MRPS33: variants seen among roughly 807,000 people sequenced by gnomAD.
The protein encoded by MRPS33 is mitochondrial ribosomal protein S33.
A neutral mutation model predicts 11.2 loss-of-function variants in MRPS33; 11 were observed. The ratio of observed to expected loss-of-function variants is 0.99; its 90% CI spans 0.62 to 1.63. The LOEUF (loss-of-function observed/expected upper bound fraction) is 1.63. Among genes scored for constraint, MRPS33 ranks in the 40% most tolerant of loss-of-function variants. The pLI is 0.00. For missense variants in MRPS33, 109 were observed against 127.8 expected, an observed-to-expected ratio of 0.85 and a Z score of 0.71; for synonymous variants, 46 against 44.0, an observed-to-expected ratio of 1.05 and a Z score of -0.18.
chr7:141,013,046 C>T (rs996657095), intron 1 of MRPS33, among the ~76,000 whole-genome samples: 2 of 149,358 alleles, frequency 1.3e-5, no homozygotes, highest in African/African-American at 5.0e-5. Context: ...ATTCCTTGTT[C>T]TTAATCATGT....
chr7:141,011,615 T>G (rs1820675438), intron 1 of MRPS33, among the ~76,000 whole-genome samples: 1 of 151,894 alleles, frequency 6.6e-6, no homozygotes, highest in Admixed American at 6.6e-5. Context: ...TATGAGAAAT[T>G]TTAGTAGTGA....
Position 141,010,419 on chromosome 7 carries a change from C to A in MRPS33, c.215G>T (p.Arg72Ile), listed in dbSNP as rs774485704. 1.2e-6 allele frequency: 2 copies of A among 1,614,096 alleles called. No homozygotes were observed. Among genetic ancestry groups the A allele is most frequent in the Non-Finnish European group, 1.7e-6 (2 of 1,179,976 alleles). The change falls in exon 2 of 3, where the codon AGA becomes ATA. Residue 72 changes from arginine to isoleucine, a missense_variant and splice_region_variant. Transcript: ENST00000324787. ...GGTCCCTCTTTGTGTTTGTCATCAC[C>A]TGTAGAGTCCAAGAAATCGGAGCGT... ...MQTLRFLGLYRDEHQDFMDEQ... is the reference protein window; with the variant it reads ...MQTLRFLGLYIDEHQDFMDEQ...
intron 1 of MRPS33, among the ~76,000 whole-genome samples, 160 bp from the exon 2 acceptor site, chr7:141,010,820 C>T (rs947909197): frequency 3.9e-5 from 6 of 152,220 alleles, no homozygotes; most frequent in African/African-American, 1.4e-4. Flanking sequence ...GTCCAAATGG[C>T]TATTTCCTTT....
At chr7:141,008,102 TA>T (rs940541897) in intron 2 of MRPS33, among the ~76,000 whole-genome samples, 7 of 152,306 alleles carry the variant, frequency 4.6e-5, no homozygotes, top group African/African-American at 1.7e-4. Context: ...ATATTTTCTT[TA>T]TTGGAGACTG....
chr7:141,007,211 T>G (rs1206546352), intron 2 of MRPS33, among the ~76,000 whole-genome samples: 2 of 152,178 alleles, frequency 1.3e-5, no homozygotes, highest in African/African-American at 4.8e-5. Flanking sequence ...ACATGTAAGC[T>G]CTGGATTCCA....
rs1217190454 is a variant in MRPS33, at chr7:141,004,883, C to CTTGGTGGG, written c.*1546_*1547insCCCACCAA. 2 of 152,224 alleles carry CTTGGTGGG rather than the reference C, an allele frequency of 1.3e-5. No homozygotes were observed. The highest frequency in any genetic ancestry group is 2.9e-5 in the Non-Finnish European group (2 of 68,116). The allele number at this position is 152,224 out of a possible 1,614,324, so 9.4% of individuals were successfully genotyped here. The stretch of plus-strand genomic sequence containing the variant: ...GCCTCAGCCTCCCAAGTAGCTGGGA[C>CTTGGTGGG]TACAGGCACCCACCACCACGCCCGG... On this transcript the variant is annotated 3_prime_UTR_variant, in exon 3 of 3. Transcript: ENST00000324787.
rs570080603 is a variant in MRPS33 at position 141,010,605 on chromosome 7, C to G, written c.29G>C (p.Arg10Pro). Reference sequence around the variant, plus strand: ...TAGCCGGGCACTGAGACGAGACATGCGGAAGGCATATTCTGAAAGGGAGGA... The same window carrying G: ...TAGCCGGGCACTGAGACGAGACATGGGGAAGGCATATTCTGAAAGGGAGGA... MSSLSEYAF[R>P]MSRLSARLFG... The change falls in exon 2 of 3, where the codon CGC (arginine) becomes CCC (proline). Residue 10 changes from arginine to proline, a missense_variant. Arg to Pro is a moderately radical substitution (Grantham distance 103, BLOSUM62 -2). Transcript: ENST00000324787. The G allele has an allele frequency of 3.7e-6, 6 of 1,614,100 alleles. No homozygotes were observed. The highest frequency in any genetic ancestry group is 5.1e-6 in the Non-Finnish European group (6 of 1,180,022).
chr7:141,010,516 G>A lies in MRPS33; in HGVS notation c.118C>T (p.Leu40=), dbSNP rs1468838003. The A allele has an allele frequency of 1.2e-6, 2 of 1,614,206 alleles. No homozygotes were observed. The highest frequency in any genetic ancestry group is 1.1e-5 in the South Asian group (1 of 91,080). Residue 40 remains leucine, a synonymous_variant, in exon 2 of 3, where the codon CTG becomes TTG. Coordinates refer to ENST00000324787, the MANE Select transcript of MRPS33 (RefSeq NM_053035.3). The part of the protein sequence containing the change: ...SMKVVKLFSE[L]PLAKKKETYD... ...GTCTCCTTCTTCTTGGCCAAGGGCA[G>A]TTCACTAAACAGTTTCACCACTTTC... is the stretch of plus-strand genomic sequence containing the variant.
At position 141,013,994 on chromosome 7, in the gene MRPS33, A is replaced by ATG. The variant is rs760851266; in HGVS notation, c.-28+915_-28+916dup. ...CATCTGTATGCCGATATGTGTATGT[A>ATG]TGTGTGTGTGTAAATTGTTCTGGGA... On this transcript the variant is annotated intron_variant, in intron 1 of 2. Transcript: ENST00000324787. 3.5e-4 allele frequency among the ~76,000 whole-genome samples: 53 copies of ATG among 152,250 alleles called. No homozygotes were observed. In the East Asian group the frequency reaches 6.9e-3, roughly 20 times the overall value.
At position 141,010,460 on chromosome 7, in the gene MRPS33, G is replaced by T; in HGVS notation, c.174C>A (p.Tyr58Ter). The change falls in exon 2 of 3, where the codon TAC (tyrosine) becomes TAA (stop). Residue 58 changes from tyrosine to a stop codon, truncating the protein, a stop_gained. Transcript: ENST00000324787. LOFTEE classifies it high-confidence loss of function. ...ATCGGAGCGTCTGCATGAGTTCAGC[G>T]TAAGTGTGGTGATTTGGATACCAAT... ...TYDWYPNHHT[Y>*]AELMQTLRFL... The T allele has an allele frequency of 2.5e-6, 4 of 1,614,132 alleles. No individual in the cohort carries two copies. Among genetic ancestry groups the T allele is most frequent in the Non-Finnish European group, 3.4e-6 (4 of 1,179,978 alleles).
In MRPS33 at chr7:141,013,986, GTGTA is replaced by G. The variant is rs1173356774; in HGVS notation, c.-28+921_-28+924del. Among the ~76,000 whole-genome samples, 3 of 152,302 alleles carry G rather than the reference GTGTA, an allele frequency of 2.0e-5. No individual in the cohort carries two copies. The East Asian group carries it at 5.8e-4, about 29-fold the overall frequency. On this transcript the variant is annotated intron_variant, in intron 1 of 2. Transcript: ENST00000324787. ...GAAGTGTACATCTGTATGCCGATAT[GTGTA>G]TGTATGTGTGTGTGTAAATTGTTCT...
At chr7:141,006,834 T>C (rs1459807004) in intron 2 of MRPS33, among the ~76,000 whole-genome samples, 1 of 152,148 alleles carries the variant, frequency 6.6e-6, no homozygotes, top group Non-Finnish European at 1.5e-5. Context: ...TACTAATGAT[T>C]ACCCCAAATT....
intron 1 of MRPS33, among the ~76,000 whole-genome samples, chr7:141,012,653 C>A (rs1423516784): frequency 6.6e-6 from 1 of 152,142 alleles, no homozygotes; most frequent in African/African-American, 2.4e-5. Flanking sequence ...GCTTAATTAC[C>A]ATTGTGGCAT....
At position 141,010,549 on chromosome 7, in the gene MRPS33, TG is replaced by T; in HGVS notation, c.84del (p.Lys29SerfsTer3). 6.2e-7 allele frequency: 1 copy of T among 1,614,150 alleles called. No homozygotes were observed. The highest frequency in any genetic ancestry group is 1.3e-5 in the African/African-American group (1 of 75,038). Reference sequence around the variant, plus strand: ...AACAGTTTCACCACTTTCATAGACTTGGAATTAGTAGGCCTGGTGACTTCAC... The same window carrying T: ...AACAGTTTCACCACTTTCATAGACTTGAATTAGTAGGCCTGGTGACTTCAC... ...LFGEVTRPTNSKSMKVVKLFS... is the reference protein window; with the variant it reads ...LFGEVTRPTNXKSMKVVKLFS... On this transcript the variant is annotated frameshift_variant, in exon 2 of 3. Coordinates refer to ENST00000324787, the MANE Select transcript of MRPS33 (RefSeq NM_053035.3). LOFTEE classifies it high-confidence loss of function.
At chr7:141,010,185 ATGT>A in intron 2 of MRPS33, 2 of 506,772 alleles carry the variant, frequency 3.9e-6, no homozygotes, top group Non-Finnish European at 7.0e-6. Context: ...AACATTAGTC[ATGT>A]TGTAGACATA....
Position 141,006,425 on chromosome 7 carries a change from C to G in MRPS33, c.*5G>C, listed in dbSNP as rs201879195. ...GAAGAAAGTCTCCCTCTTGAGGGAC[C>G]AACACTATTTCCTTTTTGCTGCTCT... On this transcript the variant is annotated 3_prime_UTR_variant, in exon 3 of 3. Transcript: ENST00000324787. 3 of 1,610,974 alleles carry G rather than the reference C, an allele frequency of 1.9e-6. No homozygotes were observed. In the Admixed American group the frequency reaches 5.0e-5, roughly 27 times the overall value.
chr7:141,005,248 C>A lies in MRPS33; in HGVS notation c.*1182G>T, dbSNP rs1820496652. Reference sequence around the variant, plus strand: ...ACAAACTCAGTGTTTCTTGAACAGACAATTTCTTCATACCTTAGGGCTTTG... The same window carrying A: ...ACAAACTCAGTGTTTCTTGAACAGAAAATTTCTTCATACCTTAGGGCTTTG... On this transcript the variant is annotated 3_prime_UTR_variant, in exon 3 of 3. Transcript: ENST00000324787. 6.6e-6 allele frequency: 1 copy of A among 152,196 alleles called. No homozygotes were observed. Among genetic ancestry groups the A allele is most frequent in the Non-Finnish European group, 1.5e-5 (1 of 68,034 alleles). 9.4% of individuals were successfully genotyped at this position (152,196 alleles called of 1,614,324 possible).
At chr7:141,013,073 A>AG (rs1554441689) in intron 1 of MRPS33, among the ~76,000 whole-genome samples, 55 of 152,084 alleles carry the variant, frequency 3.6e-4, no homozygotes, top group East Asian at 3.1e-3. Flanking sequence ...AAAAAAAAAA[A>AG]AGAGAGAGAG....
At chr7:141,013,217 G>A (rs1820722613) in intron 1 of MRPS33, among the ~76,000 whole-genome samples, 1 of 152,218 alleles carries the variant, frequency 6.6e-6, no homozygotes, top group Non-Finnish European at 1.5e-5. Flanking sequence ...ATAGCCAGGA[G>A]GAGGAAGGGA....
Sources: allele counts gnomAD v4.1 joint callset (sites outside exome capture counted in the v4.1 genomes callset), GRCh38; gene constraint gnomAD v4.1.1; transcripts MANE v1.5; gene names NCBI Gene and HGNC (gene_info 2026-07-23, HGNC 2026-07-21).